The following PALB2 variants were observed in gnomAD, a reference collection of about 807,000 sequenced individuals.
PALB2 encodes the protein mutant partner and localizer of BRCA2.
In PALB2, 82 loss-of-function variants were observed where a neutral mutation model predicts 107.4. That is an observed-to-expected ratio of 0.76 (90% CI 0.64 to 0.92). The LOEUF is 0.92. Ranked by LOEUF, PALB2 falls within the 40% of genes least tolerant of loss-of-function variation. The pLI is 0.00. For missense variants in PALB2, 1,374 were observed against 1,379.9 expected, an observed-to-expected ratio of 1.00 and a Z score of 0.07; for synonymous variants, 489 against 496.8, an observed-to-expected ratio of 0.98 and a Z score of 0.21.
chr16:23,619,937 G>C (rs1036278475), intron 10 of PALB2, among the ~76,000 whole-genome samples: 12 of 152,074 alleles, frequency 7.9e-5, no homozygotes, highest in East Asian at 3.9e-4. Flanking sequence ...GCACCACCAC[G>C]CCTGGCTAAT....
chr16:23,636,086 T>A lies in PALB2; in HGVS notation c.460A>T (p.Thr154Ser), dbSNP rs2142442863. Residue 154 changes from threonine (T) to serine (S), a missense_variant, in exon 4 of 13, where the codon ACA becomes TCA. By Grantham distance (58) the Thr-to-Ser change is moderately conservative. Transcript: ENST00000261584. ...CAGTCTCTCTCCTGTGAAATAAATG[T>A]CCTCTTCTGCTGCTTCTTTCTTCTG... ...PSRRKKQQKR[T>S]FISQERDCVF... 1 of 1,614,028 alleles carries A rather than the reference T, an allele frequency of 6.2e-7. No individual in the cohort carries two copies. Among genetic ancestry groups the A allele is most frequent in the Non-Finnish European group, 8.5e-7 (1 of 1,179,996 alleles).
intron 10 of PALB2, among the ~76,000 whole-genome samples, chr16:23,617,313 G>GTAAC (rs1286945095): frequency 6.6e-6 from 1 of 152,108 alleles, no homozygotes; most frequent in African/African-American, 2.4e-5. Flanking sequence ...ACACCTTTGA[G>GTAAC]TAACTACCCT....
rs2142254700 is a variant in PALB2, at chr16:23,603,624, C to T, written c.3396G>A (p.Leu1132=). 6.2e-7 allele frequency: 1 copy of T among 1,613,772 alleles called. No homozygotes were observed. The highest frequency in any genetic ancestry group is 1.7e-5 in the Admixed American group (1 of 59,954). ...CCCAAATGGCAATTGTTCCAGAAGT[C>T]AAGATTGCTGCTGCACAGTGATCTT... is the stretch of plus-strand genomic sequence containing the variant. ...DVKDHCAAAI[L]TSGTIAIWDL... The change falls in exon 13 of 13, where the codon TTG becomes TTA. Residue 1132 remains leucine, a synonymous_variant. Coordinates refer to ENST00000261584, the MANE Select transcript of PALB2 (RefSeq NM_024675.4).
intron 11 of PALB2, among the ~76,000 whole-genome samples, chr16:23,609,540 CAG>C (rs766454083): frequency 3.3e-5 from 5 of 151,870 alleles, no homozygotes; most frequent in Admixed American, 6.6e-5. Context: ...TTTTTTGAGA[CAG>C]AGTCTTGCAC....
rs1555459718 is a variant in PALB2 at position 23,624,041 on chromosome 16, T to C, written c.2802A>G (p.Val934=). Residue 934 remains valine (V), a synonymous_variant, in exon 8 of 13, where the codon GTA becomes GTG. Transcript: ENST00000261584. ...CTCTGATTTCCAAATTTCCCAAAGC[T>C]ACACACACGAGATTATACACATCAG... ...PVPDVYNLVC[V]ALGNLEIREI... The C allele has an allele frequency of 6.2e-7, 1 of 1,607,826 alleles. No individual in the cohort carries two copies. Among genetic ancestry groups the C allele is most frequent in the Non-Finnish European group, 8.5e-7 (1 of 1,174,418 alleles).
chr16:23,634,056 C>G (rs1200914914), intron 4 of PALB2, among the ~76,000 whole-genome samples: 1 of 152,116 alleles, frequency 6.6e-6, no homozygotes, highest in Non-Finnish European at 1.5e-5. Flanking sequence ...AAAACACTTT[C>G]TATGTTAGCT....
At chr16:23,629,604 C>A (rs200010515) in intron 5 of PALB2, 36 bp downstream of exon 5, 1 of 1,597,110 alleles carries the variant, frequency 6.3e-7, no homozygotes, top group Non-Finnish European at 8.6e-7. Flanking sequence ...CATTTCATTC[C>A]TTCAGAGAAA....
rs1280472090 is a variant in PALB2, at chr16:23,635,469, A to C, written c.1077T>G (p.Ser359Arg). 3.7e-6 allele frequency: 6 copies of C among 1,614,156 alleles called. No homozygotes were observed. The highest frequency in any genetic ancestry group is 5.1e-6 in the Non-Finnish European group (6 of 1,180,028). The change falls in exon 4 of 13, where the codon AGT (serine) becomes AGG (arginine). Residue 359 changes from serine to arginine, a missense_variant. Physicochemically the swap from Ser to Arg is moderately radical, Grantham distance 110. Transcript: ENST00000261584. ...TTTCATTCCTGCCATCAAGAGTGTC[A>C]CTGGGAGATTTTAAAGATTTCTCTG... ...NQTEKSLKSPSDTLDGRNENL... is the reference protein window; with the variant it reads ...NQTEKSLKSPRDTLDGRNENL...
At chr16:23,612,718 G>C (rs1966609522) in intron 11 of PALB2, among the ~76,000 whole-genome samples, 1 of 151,480 alleles carries the variant, frequency 6.6e-6, no homozygotes, top group Non-Finnish European at 1.5e-5. Flanking sequence ...TATAGTGATG[G>C]GGTTTTGCCA....
At chr16:23,629,162 A>G (rs1008378700) in intron 6 of PALB2, 42 bp downstream of exon 6, 2 of 1,479,246 alleles carry the variant, frequency 1.4e-6, no homozygotes, top group Non-Finnish European at 1.9e-6. Flanking sequence ...TAAAGTTTTC[A>G]TATGTAAGAC....
intron 12 of PALB2, among the ~76,000 whole-genome samples, chr16:23,606,717 G>A (rs1325903353): frequency 6.6e-6 from 1 of 151,628 alleles, no homozygotes; most frequent in African/African-American, 2.4e-5. Context: ...TAGAGACGGG[G>A]TTTCACCGTG....
intron 5 of PALB2, 91 bp from the exon 6 acceptor site, chr16:23,629,366 T>C: frequency 8.3e-7 from 1 of 1,209,586 alleles, no homozygotes; most frequent in Non-Finnish European, 1.2e-6. Flanking sequence ...CTTCGTATTG[T>C]CTTTATTTCC....
intron 4 of PALB2, among the ~76,000 whole-genome samples, chr16:23,631,690 C>A (rs1176571006): frequency 6.6e-6 from 1 of 152,152 alleles, no homozygotes; most frequent in Non-Finnish European, 1.5e-5. Context: ...TTCTCATTGT[C>A]TCTCATAAGG....
intron 4 of PALB2, among the ~76,000 whole-genome samples, chr16:23,633,780 C>T (rs933466420): frequency 2.6e-5 from 4 of 152,044 alleles, no homozygotes; most frequent in South Asian, 2.1e-4. Context: ...CACAGCTCAC[C>T]GCAGCCTCAA....
Position 23,626,241 on chromosome 16 carries a change from C to T in PALB2, c.2743G>A (p.Ala915Thr), listed in dbSNP as rs374736398. 2.2e-5 allele frequency: 35 copies of T among 1,614,184 alleles called. No homozygotes were observed. The highest frequency in any genetic ancestry group is 4.5e-5 in the East Asian group (2 of 44,880). Residue 915 changes from alanine (A) to threonine (T), a missense_variant, in exon 7 of 13, where the codon GCA (alanine) becomes ACA (threonine). Coordinates refer to ENST00000261584, the MANE Select transcript of PALB2 (RefSeq NM_024675.4). ...AGCTCGAGATTCCCACTTACCTCTG[C>T]GAAGTGCCAGGTATAAAGTTTTTCC... ...QWEKLYTWHFAEVPVLQIVPV... is the reference protein window; with the variant it reads ...QWEKLYTWHFTEVPVLQIVPV...
intron 1 of PALB2, 195 bp from the exon 2 acceptor site, chr16:23,638,324 G>A: frequency 1.6e-6 from 1 of 631,790 alleles, no homozygotes; most frequent in Non-Finnish European, 2.8e-6. Context: ...CTATCATCTG[G>A]AACATGTCCT....
intron 1 of PALB2, chr16:23,640,232 T>G (rs1480521781): frequency 5.5e-6 from 1 of 183,382 alleles, no homozygotes; most frequent in Non-Finnish European, 1.2e-5. Context: ...TCTTGTTTAC[T>G]TATAAATGAT....
rs1967108386 is a variant in PALB2, at chr16:23,638,053, G to A, written c.108+17C>T. 1 of 1,611,906 alleles carries A rather than the reference G, an allele frequency of 6.2e-7. No individual in the cohort carries two copies. The highest frequency in any genetic ancestry group is 1.1e-5 in the South Asian group (1 of 91,042). ...TTTGTACTATAACACCTTAATTTGA[G>A]AATACGATTCACTTACCTGAAGGCG... is the stretch of plus-strand genomic sequence containing the variant. On this transcript the variant is annotated intron_variant, in intron 2 of 12. Coordinates refer to ENST00000261584, the MANE Select transcript of PALB2 (RefSeq NM_024675.4).
At position 23,603,252 on chromosome 16, in the gene PALB2, A is replaced by G. The variant is rs1441558572; in HGVS notation, c.*207T>C. The G allele has an allele frequency of 7.3e-6, 4 of 544,344 alleles. No individual in the cohort carries two copies. In the East Asian group the frequency reaches 1.2e-4, roughly 17 times the overall value. 33.7% of individuals were successfully genotyped at this position (544,344 alleles called of 1,614,324 possible). A position where few individuals can be genotyped will look rare whatever the true frequency, so the allele number is the denominator to read the frequency against. ...CAAATGTGGGAAATTACAAAAATCA[A>G]CCTAAAACCCTTTTTCTCAAAGTAT... On this transcript the variant is annotated 3_prime_UTR_variant, in exon 13 of 13. Coordinates refer to ENST00000261584, the MANE Select transcript of PALB2 (RefSeq NM_024675.4).
Sources: gnomAD v4.1 joint callset for allele counts (sites outside exome capture counted in the v4.1 genomes callset) on GRCh38, gnomAD v4.1.1 for gene constraint, MANE v1.5 for transcripts, NCBI Gene and HGNC (gene_info 2026-07-23, HGNC 2026-07-21) for gene names.